GRK4: variants seen among roughly 807,000 people sequenced by gnomAD.
GRK4 encodes the protein G protein-coupled receptor kinase 4.
GRK4 carries 73 observed loss-of-function variants against 77.9 expected under a neutral mutation model. The observed-to-expected ratio is 0.94, with a 90% CI of 0.78 to 1.14. The LOEUF is 1.14. GRK4 is among the 50% of genes most tolerant of loss of function. GRK4 has a pLI of 0.00. For synonymous variants in GRK4, 257 were observed against 254.4 expected (o/e 1.01, Z -0.10); for missense variants, 729 against 700.2 (o/e 1.04, Z -0.46).
intron 4 of GRK4, 33 bp from the exon 5 acceptor site, chr4:3,004,198 A>C (rs1435720081): frequency 7.3e-7 from 1 of 1,375,846 alleles, no homozygotes; most frequent in African/African-American, 1.4e-5. Flanking sequence ...TGAAATCACT[A>C]ATGGTTATGT....
At chr4:2,997,986 A>G (rs1187289087) in intron 4 of GRK4, among the ~76,000 whole-genome samples, 2 of 151,936 alleles carry the variant, frequency 1.3e-5, no homozygotes, top group African/African-American at 4.8e-5. Flanking sequence ...CACCCTCACC[A>G]CTTCTGTTCA....
At chr4:3,039,217 A>C (rs967207345) in intron 15 of GRK4, among the ~76,000 whole-genome samples, 1 of 152,154 alleles carries the variant, frequency 6.6e-6, no homozygotes, top group African/African-American at 2.4e-5. Context: ...CTCCATCTCA[A>C]AAAGAAAGAA....
intron 4 of GRK4, among the ~76,000 whole-genome samples, chr4:2,994,463 G>A (rs747704943): frequency 1.8e-4 from 28 of 152,166 alleles, no homozygotes; most frequent in Non-Finnish European, 3.2e-4. Flanking sequence ...TGCCTGCCTC[G>A]GCCTCCCAAA....
chr4:3,004,418 G>C (rs983592673), intron 5 of GRK4, 84 bp downstream of exon 5: 3 of 859,264 alleles, frequency 3.5e-6, no homozygotes, highest in African/African-American at 3.4e-5. Flanking sequence ...CTCTGCATAA[G>C]ACAAGTTCCT....
intron 8 of GRK4, among the ~76,000 whole-genome samples, chr4:3,017,746 T>C (rs1296585687): frequency 1.3e-5 from 2 of 152,158 alleles, no homozygotes; most frequent in Non-Finnish European, 2.9e-5. Context: ...GGAAGAACCA[T>C]ATGGTCATCT....
intron 7 of GRK4, among the ~76,000 whole-genome samples, chr4:3,011,781 A>G (rs544670161): frequency 5.3e-4 from 80 of 152,196 alleles, no homozygotes; most frequent in Non-Finnish European, 1.1e-3. Flanking sequence ...AGTTGGTTTT[A>G]TTTTGTCAAC....
intron 7 of GRK4, among the ~76,000 whole-genome samples, chr4:3,013,259 C>T (rs182677315): frequency 5.3e-5 from 8 of 151,818 alleles, no homozygotes; most frequent in East Asian, 2.0e-4. Flanking sequence ...GCCATGTTGG[C>T]CAGGTTGGTT....
chr4:3,009,572 A>C, intron 6 of GRK4, 76 bp from the exon 7 acceptor site: 9 of 1,041,018 alleles, frequency 8.6e-6, no homozygotes, highest in Non-Finnish European at 1.3e-5. Flanking sequence ...AGGCGAAGAC[A>C]AGCGCTGAGT....
intron 12 of GRK4, among the ~76,000 whole-genome samples, chr4:3,029,732 A>G (rs538731869): frequency 2.7e-5 from 4 of 147,278 alleles, no homozygotes; most frequent in African/African-American, 1.0e-4. Context: ...GGGAGGACAC[A>G]TGTGCTCAGG....
intron 13 of GRK4, among the ~76,000 whole-genome samples, chr4:3,036,896 C>T (rs548469323): frequency 6.6e-6 from 1 of 152,314 alleles, no homozygotes; most frequent in South Asian, 2.1e-4. Context: ...TAAGGGATCC[C>T]ACCGCTGGTG....
intron 5 of GRK4, among the ~76,000 whole-genome samples, chr4:3,006,596 A>T (rs1048578649): frequency 4.6e-5 from 7 of 151,784 alleles, no homozygotes; most frequent in Non-Finnish European, 1.0e-4. Context: ...CCTGGACAAC[A>T]TGGTGAAACC....
At chr4:2,969,006 G>T (rs1159444828) in intron 1 of GRK4, among the ~76,000 whole-genome samples, 2 of 152,062 alleles carry the variant, frequency 1.3e-5, no homozygotes, top group Non-Finnish European at 1.5e-5. Context: ...CACCGTGGGG[G>T]AGAAGTAAGG....
At chr4:3,000,923 C>T (rs1448386255) in intron 4 of GRK4, among the ~76,000 whole-genome samples, 1 of 151,736 alleles carries the variant, frequency 6.6e-6, no homozygotes, top group Middle Eastern at 3.2e-3. Flanking sequence ...CTTATGACAG[C>T]CTTGCTGCAT....
chr4:3,029,785 G>A (rs773685332), intron 12 of GRK4, among the ~76,000 whole-genome samples: 3 of 152,166 alleles, frequency 2.0e-5, no homozygotes, highest in South Asian at 2.1e-4. Flanking sequence ...GGGAGGACAC[G>A]TTTGCTTAGG....
chr4:2,989,632 A>G (rs1348844036), intron 3 of GRK4, among the ~76,000 whole-genome samples: 2 of 152,174 alleles, frequency 1.3e-5, no homozygotes, highest in African/African-American at 4.8e-5. Flanking sequence ...GGCTACCAGA[A>G]AAGTGTCCTT....
intron 4 of GRK4, among the ~76,000 whole-genome samples, chr4:2,993,994 G>A (rs1354930087): frequency 6.6e-6 from 1 of 152,184 alleles, no homozygotes; most frequent in African/African-American, 2.4e-5. Flanking sequence ...GAGTGCCAGA[G>A]GGGATGGCCA....
At chr4:2,988,075 C>CA (rs67664476) in intron 2 of GRK4, among the ~76,000 whole-genome samples, 4,370 of 33,226 alleles carry the variant, frequency 0.13, 512 homozygotes, top group African/African-American at 0.19. Context: ...GGCTCTGTCT[C>CA]AAAAAAAAAA....
intron 8 of GRK4, among the ~76,000 whole-genome samples, chr4:3,018,878 CA>C (rs1299331064): frequency 6.6e-6 from 1 of 151,930 alleles, no homozygotes; most frequent in Non-Finnish European, 1.5e-5. Context: ...GACTGTGTCT[CA>C]AAAAAATAAA....
intron 12 of GRK4, among the ~76,000 whole-genome samples, chr4:3,033,055 A>T (rs1438297752): frequency 6.6e-6 from 1 of 152,126 alleles, no homozygotes; most frequent in Admixed American, 6.5e-5. Flanking sequence ...ATGCCTGCAG[A>T]TTTGGTGTTG....
Sources: gnomAD v4.1 joint callset for allele counts (sites outside exome capture counted in the v4.1 genomes callset) on GRCh38, gnomAD v4.1.1 for gene constraint, MANE v1.5 for transcripts, NCBI Gene and HGNC (gene_info 2026-07-23, HGNC 2026-07-21) for gene names.